SYNM: variants seen among roughly 807,000 people sequenced by gnomAD.
SYNM encodes desmuslin.
Under a neutral mutation model 104.0 loss-of-function variants are expected in SYNM, and 95 were observed. That is an observed-to-expected ratio of 0.91 (90% confidence interval 0.77 to 1.08). The LOEUF is 1.08. SYNM is among the 50% of genes least tolerant of loss of function. The pLI is 0.00. For missense variants in SYNM, 2,150 were observed against 2,052.2 expected (o/e 1.05, Z -0.92); for synonymous variants, 918 against 869.0 (o/e 1.06, Z -0.99).
intron 3 of SYNM, chr15:99,128,987 TAC>T: frequency 5.2e-6 from 1 of 193,454 alleles, no homozygotes; most frequent in Non-Finnish European, 1.1e-5. Flanking sequence ...AAATTAAACT[TAC>T]CTCAAAAAGC....
At chr15:99,141,263 C>A in the SYNM span, among the ~76,000 whole-genome samples, 1 of 151,792 alleles carries the variant, frequency 6.6e-6, no homozygotes, top group Non-Finnish European at 1.5e-5. Context: ...GTATATATAA[C>A]CACATAGATG....
chr15:99,131,993 T>C lies in SYNM; in HGVS notation c.3633T>C (p.Ser1211=), dbSNP rs781977630. The C allele has an allele frequency of 6.2e-7, 1 of 1,614,018 alleles. No individual in the cohort carries two copies. ...GSPEPGPAES[S]ADMDGSGRHS... is the part of the protein sequence containing the mutation. ...CAGAACCTGGCCCAGCAGAGTCTTC[T>C]GCAGATATGGACGGATCAGGGAGGC... Residue 1211 remains serine, a synonymous_variant, in exon 4 of 4, where the codon TCT becomes TCC. Coordinates refer to ENST00000336292, the MANE Select transcript of SYNM (RefSeq NM_145728.3). The surrounding 1 kb of genome is among the most constrained non-coding windows in gnomAD (Gnocchi z 4.3).
In SYNM at chr15:99,135,163, T is replaced by G. The variant is rs1205866879; in HGVS notation, c.*2105T>G. The G allele has an allele frequency of 2.0e-5, 3 of 152,672 alleles. No homozygotes were observed. Among genetic ancestry groups the G allele is most frequent in the African/African-American group, 7.2e-5 (3 of 41,464 alleles). The allele number at this position is 152,672 out of a possible 1,614,324, so 9.5% of individuals were successfully genotyped here. A position where few individuals can be genotyped will look rare whatever the true frequency, so the allele number is the denominator to read the frequency against. ...CTTCTATTTACTTTGGGAAATATCT[T>G]GGATCTTAATTATCATCTGCAAGTT... On this transcript the variant is annotated 3_prime_UTR_variant, in exon 4 of 4. Coordinates refer to ENST00000336292, the MANE Select transcript of SYNM (RefSeq NM_145728.3).
Position 99,135,009 on chromosome 15 carries a change from C to A in SYNM, c.*1951C>A, listed in dbSNP as rs536170272. The A allele has an allele frequency of 5.2e-5, 8 of 152,442 alleles. No individual in the cohort carries two copies. The highest frequency in any genetic ancestry group is 1.9e-4 in the African/African-American group (8 of 41,554). 9.4% of individuals were successfully genotyped at this position (152,442 alleles called of 1,614,324 possible). On this transcript the variant is annotated 3_prime_UTR_variant, in exon 4 of 4. Transcript: ENST00000336292. ...ACTGGTGAGAATTTGGTCAAGGTGA[C>A]AGCCTCCTGTCTGATGACAGGACAG...
At chr15:99,129,010 G>T (rs1323161558) in intron 3 of SYNM, 1 of 199,116 alleles carries the variant, frequency 5.0e-6, no homozygotes, top group African/African-American at 2.3e-5. Flanking sequence ...AGAAATTAAT[G>T]ATTTCAAAAT....
chr15:99,109,967 A>G (rs2067286532), intron 1 of SYNM, among the ~76,000 whole-genome samples: 1 of 152,158 alleles, frequency 6.6e-6, no homozygotes, highest in South Asian at 2.1e-4. Flanking sequence ...GCTTAGTGGA[A>G]TCACTGTTGC....
chr15:99,130,040 G>A lies in SYNM; in HGVS notation c.1680G>A (p.Lys560=). 1 of 1,613,844 alleles carries A rather than the reference G, an allele frequency of 6.2e-7. No homozygotes were observed. Among genetic ancestry groups the A allele is most frequent in the South Asian group, 1.1e-5 (1 of 91,048 alleles). Residue 560 remains lysine (K), a synonymous_variant, in exon 4 of 4, where the codon AAG becomes AAA. Transcript: ENST00000336292. ...GAGAAAGCCAGCAGATGAAGGAGAAGGCTAAGGAGAAGGACTCACCGAAGG... is the reference window on the plus strand; with the variant it reads ...GAGAAAGCCAGCAGATGAAGGAGAAAGCTAAGGAGAAGGACTCACCGAAGG... The part of the protein sequence containing the change: ...RQRESQQMKE[K]AKEKDSPKEK...
chr15:99,139,343 G>T (rs1268961722), downstream of SYNM: 1 of 1,613,652 alleles, frequency 6.2e-7, no homozygotes, highest in Non-Finnish European at 8.5e-7. Context: ...TGGCCTGCTG[G>T]GTGGCCAGAG....
chr15:99,134,682 G>T lies in SYNM; in HGVS notation c.*1624G>T, dbSNP rs546339928. 1 of 152,178 alleles carries T rather than the reference G, an allele frequency of 6.6e-6. No homozygotes were observed. The highest frequency in any genetic ancestry group is 1.5e-5 in the Non-Finnish European group (1 of 68,034). 9.4% of individuals were successfully genotyped at this position (152,178 alleles called of 1,614,324 possible). A position where few individuals can be genotyped will look rare whatever the true frequency, so the allele number is the denominator to read the frequency against. Reference sequence around the variant, plus strand: ...GACCCCCAGGGTGCACGTCTCCCCAGGTCCTGGGAGTGGCTACCGCAGGTA... The same window carrying T: ...GACCCCCAGGGTGCACGTCTCCCCATGTCCTGGGAGTGGCTACCGCAGGTA... On this transcript the variant is annotated 3_prime_UTR_variant, in exon 4 of 4. Transcript: ENST00000336292.
intron 2 of SYNM, among the ~76,000 whole-genome samples, chr15:99,123,845 G>A (rs933218513): frequency 2.6e-5 from 4 of 152,244 alleles, no homozygotes; most frequent in Admixed American, 2.0e-4. Flanking sequence ...GCTGAGTCAC[G>A]GCGGATTGTT....
At chr15:99,139,535 G>A (rs1555489148), downstream of SYNM, 1 of 1,549,360 alleles carries the variant, frequency 6.5e-7, no homozygotes, top group African/African-American at 1.4e-5. Context: ...CTCCTGGGAT[G>A]TCTCCTAGTG....
intron 2 of SYNM, among the ~76,000 whole-genome samples, chr15:99,123,171 G>A (rs1004748487): frequency 3.3e-5 from 5 of 152,256 alleles, no homozygotes; most frequent in East Asian, 1.9e-4. Flanking sequence ...GGGTTTGAGC[G>A]GCCTGCCAGG....
Position 99,131,610 on chromosome 15 carries a change from G to A in SYNM, c.3250G>A (p.Gly1084Ser). 1.9e-6 allele frequency: 3 copies of A among 1,610,472 alleles called. No homozygotes were observed. Among genetic ancestry groups the A allele is most frequent in the Non-Finnish European group, 2.5e-6 (3 of 1,179,686 alleles). The change falls in exon 4 of 4, where the codon GGT becomes AGT. Residue 1084 changes from glycine (G) to serine (S), a missense_variant. Physicochemically the swap from Gly to Ser is moderately conservative, Grantham distance 56. Transcript: ENST00000336292. The surrounding 1 kb of genome is among the most constrained non-coding windows in gnomAD (Gnocchi z 4.3). ...CCCTTCAGGCGAGAGCGAGGTTGCT[G>A]GTGGGGCCTCTCACAGCTCGGGACA... ...YIPSGESEVA[G>S]GASHSSGQRT...
At chr15:99,116,254 A>C (rs782727499) in intron 2 of SYNM, among the ~76,000 whole-genome samples, 8 of 152,230 alleles carry the variant, frequency 5.3e-5, no homozygotes, top group Non-Finnish European at 1.2e-4. Context: ...TGCACAATTA[A>C]ATTGGTAGGG....
At chr15:99,107,741 G>A (rs2067260398) in intron 1 of SYNM, among the ~76,000 whole-genome samples, 2 of 152,120 alleles carry the variant, frequency 1.3e-5, no homozygotes, top group Non-Finnish European at 2.9e-5. Context: ...AGAATCCTGT[G>A]CAGCCCTCCT....
At chr15:99,108,989 T>G (rs557443381) in intron 1 of SYNM, among the ~76,000 whole-genome samples, 2 of 152,342 alleles carry the variant, frequency 1.3e-5, no homozygotes, top group Non-Finnish European at 2.9e-5. Context: ...TTTTTTTCTG[T>G]GTTCCATGTG....
chr15:99,111,159 G>A (rs780111324), intron 1 of SYNM, among the ~76,000 whole-genome samples: 2 of 152,184 alleles, frequency 1.3e-5, no homozygotes, highest in Non-Finnish European at 2.9e-5. Flanking sequence ...GTATCTTCCT[G>A]CACACCCCTT....
In SYNM at chr15:99,132,132, A is replaced by G. The variant is rs1555486047; in HGVS notation, c.3772A>G (p.Thr1258Ala). 6.2e-6 allele frequency: 10 copies of G among 1,613,888 alleles called. No homozygotes were observed. Among genetic ancestry groups the G allele is most frequent in the Admixed American group, 5.0e-5 (3 of 60,014 alleles). Residue 1258 changes from threonine to alanine, a missense_variant, in exon 4 of 4, where the codon ACC becomes GCC. By Grantham distance (58) the Thr-to-Ala change is moderately conservative. Coordinates refer to ENST00000336292, the MANE Select transcript of SYNM (RefSeq NM_145728.3). ...DYFATEESVG[T>A]QTSVRQLQLG... is the part of the protein sequence containing the mutation. The stretch of plus-strand genomic sequence containing the variant: ...TTTTGCAACAGAAGAGTCAGTGGGT[A>G]CCCAGACTTCTGTCAGGCAACTCCA...
downstream of SYNM, chr15:99,139,218 C>G: frequency 6.8e-7 from 1 of 1,470,232 alleles, no homozygotes; most frequent in Non-Finnish European, 9.2e-7. Flanking sequence ...GCAAAACATT[C>G]CAGAGAAGGT....
Sources: gnomAD v4.1 joint callset for allele counts (sites outside exome capture counted in the v4.1 genomes callset) on GRCh38, gnomAD v4.1.1 for gene constraint, Gnocchi (gnomAD v3.1) non-coding constraint, MANE v1.5 for transcripts, NCBI Gene and HGNC (gene_info 2026-07-23, HGNC 2026-07-21) for gene names.